Variants in SLC2A12 observed in about 807,000 individuals in gnomAD.
SLC2A12 encodes the protein solute carrier family 2 member 12, also known as solute carrier family 2, facilitated glucose transporter member 12.
Under a neutral mutation model 41.8 loss-of-function variants are expected in SLC2A12, and 23 were observed. The observed-to-expected ratio is 0.55, with a 90% confidence interval of 0.40 to 0.78. SLC2A12 has a LOEUF of 0.78. SLC2A12 is among the 30% of genes least tolerant of loss of function. SLC2A12 has a pLI of 0.00. For missense variants in SLC2A12, 654 were observed against 745.6 expected (o/e 0.88, Z 1.43); for synonymous variants, 295 against 285.9 (o/e 1.03, Z -0.32).
In SLC2A12 at chr6:134,026,609, G is replaced by C. The variant is rs183422960; in HGVS notation, c.1444+1772C>G. Among the ~76,000 whole-genome samples, 4 of 152,330 alleles carry C rather than the reference G, an allele frequency of 2.6e-5. No homozygotes were observed. In the East Asian group the frequency reaches 7.7e-4, roughly 29 times the overall value. On this transcript the variant is annotated intron_variant, in intron 2 of 4. Coordinates refer to ENST00000275230, the MANE Select transcript of SLC2A12 (RefSeq NM_145176.3). Reference sequence around the variant, plus strand: ...GGTAGAAATCTGTTTCCGGGAAACTGTTCATTAATGGTAATTATCATTGTT... The same window carrying C: ...GGTAGAAATCTGTTTCCGGGAAACTCTTCATTAATGGTAATTATCATTGTT...
At chr6:134,001,756 GAA>G (rs34905108) in intron 4 of SLC2A12, among the ~76,000 whole-genome samples, 11 of 101,096 alleles carry the variant, frequency 1.1e-4, no homozygotes, top group African/African-American at 2.4e-4. Context: ...TTTGTAGTTT[GAA>G]AAAAAAAAAA....
At chr6:133,997,368 A>G (rs1217296572) in intron 4 of SLC2A12, among the ~76,000 whole-genome samples, 2 of 152,230 alleles carry the variant, frequency 1.3e-5, no homozygotes, top group Non-Finnish European at 2.9e-5. Context: ...CGTTCATTGC[A>G]TCACTATTCA....
intron 4 of SLC2A12, among the ~76,000 whole-genome samples, chr6:133,994,879 G>A (rs977589653): frequency 1.4e-4 from 22 of 152,154 alleles, no homozygotes; most frequent in African/African-American, 3.6e-4. Context: ...GGGACGGGTC[G>A]CAGAAGGATG....
rs1461349967 is a variant in SLC2A12 at position 134,001,849 on chromosome 6, A to G, written c.1700+148T>C. 3 of 743,702 alleles carry G rather than the reference A, an allele frequency of 4.0e-6. 1 individual carries two copies. The highest frequency in any genetic ancestry group is 6.9e-5 in the East Asian group (2 of 28,920). The allele number at this position is 743,702 out of a possible 1,614,324, so 46.1% of individuals were successfully genotyped here. Reference sequence around the variant, plus strand: ...TTAAAGACAAAGCAGGGAAATTGGAATTATGCACTGAGACATAGTCTTACG... The same window carrying G: ...TTAAAGACAAAGCAGGGAAATTGGAGTTATGCACTGAGACATAGTCTTACG... On this transcript the variant is annotated intron_variant, in intron 4 of 4. Coordinates refer to ENST00000275230, the MANE Select transcript of SLC2A12 (RefSeq NM_145176.3).
chr6:134,039,959 A>T (rs1172281091), intron 1 of SLC2A12, among the ~76,000 whole-genome samples: 1 of 152,030 alleles, frequency 6.6e-6, no homozygotes, highest in Admixed American at 6.6e-5. Flanking sequence ...CCTCCCCAGA[A>T]GCAGATGTCA....
intron 4 of SLC2A12, among the ~76,000 whole-genome samples, chr6:133,997,006 C>G (rs1016883100): frequency 1.4e-5 from 2 of 141,216 alleles, no homozygotes; most frequent in Admixed American, 1.6e-4. Context: ...AACCAGGAGG[C>G]AAAGGCGGGC....
chr6:133,994,861 A>G (rs958968459), intron 4 of SLC2A12, among the ~76,000 whole-genome samples: 1 of 152,212 alleles, frequency 6.6e-6, no homozygotes, highest in Non-Finnish European at 1.5e-5. Context: ...TAGGTAAGAG[A>G]TAACCAGGGG....
intron 2 of SLC2A12, among the ~76,000 whole-genome samples, chr6:134,008,530 A>G (rs1384567993): frequency 2.0e-5 from 3 of 152,074 alleles, no homozygotes; most frequent in African/African-American, 7.2e-5. Context: ...GCCCCTCTCC[A>G]TGCTAAAAGA....
At chr6:134,027,363 T>TA (rs1183453360) in intron 2 of SLC2A12, among the ~76,000 whole-genome samples, 1 of 152,214 alleles carries the variant, frequency 6.6e-6, no homozygotes, top group Non-Finnish European at 1.5e-5. Context: ...TATACCTTCT[T>TA]ATTGGCCTGA....
chr6:134,006,183 A>C (rs867594249), intron 3 of SLC2A12, among the ~76,000 whole-genome samples: 1 of 142,890 alleles, frequency 7.0e-6, no homozygotes, highest in Non-Finnish European at 1.5e-5. Context: ...TCGGAAAAAA[A>C]AAAAAAAAAC....
rs114835626 is a variant in SLC2A12 at position 134,031,929 on chromosome 6, C to A, written c.104-2208G>T. Among the ~76,000 whole-genome samples the A allele has an allele frequency of 4.0e-3, 605 of 152,150 alleles. 2 individuals are homozygous for A. Among genetic ancestry groups the A allele is most frequent in the African/African-American group, 0.014 (565 of 41,500 alleles). On this transcript the variant is annotated intron_variant, in intron 1 of 4. Transcript: ENST00000275230. ...AGCATGATCAAGACTGGGACCTAGG[C>A]AATGCCAATATTTAGAAGACTAGTG...
rs1006423088 is a variant in SLC2A12, at chr6:133,989,915, GT to G, written c.*1239del. Reference sequence around the variant, plus strand: ...CAAGTTAGGTTGTTCGTGCTTTTAAGTTTTTTGTGTGTCTTCCATCACTTAA... The same window carrying G: ...CAAGTTAGGTTGTTCGTGCTTTTAAGTTTTTGTGTGTCTTCCATCACTTAA... On this transcript the variant is annotated 3_prime_UTR_variant, in exon 5 of 5. Coordinates refer to ENST00000275230, the MANE Select transcript of SLC2A12 (RefSeq NM_145176.3). The G allele has an allele frequency of 6.6e-6, 1 of 152,172 alleles. No homozygotes were observed. Among genetic ancestry groups the G allele is most frequent in the African/African-American group, 2.4e-5 (1 of 41,462 alleles). 9.4% of individuals were successfully genotyped at this position (152,172 alleles called of 1,614,324 possible).
intron 2 of SLC2A12, among the ~76,000 whole-genome samples, chr6:134,019,556 CAG>C (rs2114457473): frequency 6.6e-6 from 1 of 152,260 alleles, no homozygotes; most frequent in Non-Finnish European, 1.5e-5. Flanking sequence ...TTATGGACAA[CAG>C]AGTGTTTAAT....
At chr6:134,012,258 C>T (rs1270492286) in intron 2 of SLC2A12, among the ~76,000 whole-genome samples, 1 of 152,072 alleles carries the variant, frequency 6.6e-6, no homozygotes, top group Non-Finnish European at 1.5e-5. Flanking sequence ...AATAAAGGCT[C>T]AATGTTCTCT....
intron 2 of SLC2A12, among the ~76,000 whole-genome samples, chr6:134,021,892 C>A (rs186082605): frequency 1.3e-5 from 2 of 152,242 alleles, no homozygotes; most frequent in East Asian, 3.9e-4. Flanking sequence ...AAGGAAGGGG[C>A]CACAACAAGT....
At chr6:134,043,014 A>C (rs1479271459) in intron 1 of SLC2A12, among the ~76,000 whole-genome samples, 1 of 151,930 alleles carries the variant, frequency 6.6e-6, no homozygotes, top group Admixed American at 6.6e-5. Flanking sequence ...AAACACACAC[A>C]CACACCCCAA....
At chr6:134,028,337 C>T in intron 2 of SLC2A12, 44 bp downstream of exon 2, 1 of 1,548,084 alleles carries the variant, frequency 6.5e-7, no homozygotes, top group Non-Finnish European at 8.7e-7. Context: ...CAGTAGGATG[C>T]TCTGACTGGT....
Position 134,052,521 on chromosome 6 carries a change from G to T in SLC2A12, c.-41C>A. 2 of 1,522,696 alleles carry T rather than the reference G, an allele frequency of 1.3e-6. No homozygotes were observed. Among genetic ancestry groups the T allele is most frequent in the Non-Finnish European group, 1.8e-6 (2 of 1,102,350 alleles). The allele number at this position is 1,522,696 out of a possible 1,614,324, so 94.3% of individuals were successfully genotyped here. ...ACAGCCGCTTCCCCGCCACCAAACCGCCCCGACCACCCCCGCTCCCAGGAG... is the reference window on the plus strand; with the variant it reads ...ACAGCCGCTTCCCCGCCACCAAACCTCCCCGACCACCCCCGCTCCCAGGAG... On this transcript the variant is annotated 5_prime_UTR_variant, in exon 1 of 5. Coordinates refer to ENST00000275230, the MANE Select transcript of SLC2A12 (RefSeq NM_145176.3).
chr6:134,042,725 G>C (rs907952042), intron 1 of SLC2A12, among the ~76,000 whole-genome samples: 1 of 152,088 alleles, frequency 6.6e-6, no homozygotes, highest in African/African-American at 2.4e-5. Flanking sequence ...AGCACTTTGG[G>C]AGGCAGAAGT....
Sources: gnomAD v4.1 joint callset for allele counts (sites outside exome capture counted in the v4.1 genomes callset) on GRCh38, gnomAD v4.1.1 for gene constraint, MANE v1.5 for transcripts, NCBI Gene and HGNC (gene_info 2026-07-23, HGNC 2026-07-21) for gene names.